Variants in RNF146 observed in about 807,000 individuals in gnomAD.
RNF146 encodes the protein ring finger protein 146.
Under a neutral mutation model 29.7 loss-of-function variants are expected in RNF146, and 11 were observed. That is an observed-to-expected ratio of 0.37 (90% confidence interval 0.23 to 0.61). The LOEUF is 0.61. Among genes scored for constraint, RNF146 ranks in the 20% least tolerant of loss-of-function variants. RNF146 has a pLI of 0.66. For missense variants in RNF146, 342 were observed against 438.9 expected (o/e 0.78, Z 1.97); for synonymous variants, 150 against 159.7 (o/e 0.94, Z 0.46).
At chr6:127,270,820 A>AT (rs200319296) in intron 1 of RNF146, among the ~76,000 whole-genome samples, 8,027 of 143,122 alleles carry the variant, frequency 0.056, 307 homozygotes, top group East Asian at 0.13. Flanking sequence ...CTTCCTTATG[A>AT]TTTTTTTTTT....
In RNF146 at chr6:127,286,892, A is replaced by T; in HGVS notation, c.279A>T (p.Glu93Asp). The change falls in exon 3 of 3, where the codon GAA (glutamate) becomes GAT (aspartate). Residue 93 changes from glutamate (E) to aspartate (D), a missense_variant. Physicochemically the swap from Glu to Asp is conservative, Grantham distance 45. Around this residue, in one of 6 missense-constraint regions of RNF146, gnomAD observed 50 missense variants for 54.9 expected, o/e 0.91. Coordinates refer to ENST00000368314, the MANE Select transcript of RNF146 (RefSeq NM_001242850.2). The surrounding 1 kb of genome is among the most constrained non-coding windows in gnomAD (Gnocchi z 4.6). The stretch of plus-strand genomic sequence containing the variant: ...AGCCAACCTTGTTGTCACCAGAAGA[A>T]CTCAAGGCAGCAAGTAGAGGAAATG... ...LDKPTLLSPE[E>D]LKAASRGNGE... 6.2e-7 allele frequency: 1 copy of T among 1,613,326 alleles called. No homozygotes were observed.
At chr6:127,278,555 A>G (rs1778538130) in intron 1 of RNF146, among the ~76,000 whole-genome samples, 1 of 152,004 alleles carries the variant, frequency 6.6e-6, no homozygotes, top group Non-Finnish European at 1.5e-5. Flanking sequence ...GTATTTATAG[A>G]CCACATTTTG....
chr6:127,276,875 G>A (rs895622104), intron 1 of RNF146, among the ~76,000 whole-genome samples: 2 of 152,070 alleles, frequency 1.3e-5, no homozygotes, highest in African/African-American at 4.8e-5. Flanking sequence ...ACTAAAGCAT[G>A]AGTACCACCT....
At chr6:127,270,276 T>TA (rs1235852349) in intron 1 of RNF146, among the ~76,000 whole-genome samples, 1 of 152,204 alleles carries the variant, frequency 6.6e-6, no homozygotes, top group East Asian at 1.9e-4. Context: ...CTGTCACTGT[T>TA]TTTTTCCTCC....
At chr6:127,278,398 GA>G (rs1183033443) in intron 1 of RNF146, among the ~76,000 whole-genome samples, 1 of 151,890 alleles carries the variant, frequency 6.6e-6, no homozygotes, top group Admixed American at 6.6e-5. Context: ...GGTAACTTCT[GA>G]TACCTTCTGC....
upstream of RNF146, chr6:127,266,823 A>T (rs145142014): frequency 6.6e-6 from 1 of 150,892 alleles, no homozygotes; most frequent in South Asian, 2.1e-4. Flanking sequence ...CTCCTCCGCG[A>T]CGCGCCGGGT....
chr6:127,277,624 A>T (rs1215673129), intron 1 of RNF146, among the ~76,000 whole-genome samples: 1 of 152,052 alleles, frequency 6.6e-6, no homozygotes, highest in Non-Finnish European at 1.5e-5. Flanking sequence ...CGAGGGCAGG[A>T]AGCATCCAGT....
chr6:127,267,130 C>G (rs1453659140), intron 1 of RNF146: 2 of 152,384 alleles, frequency 1.3e-5, no homozygotes. Context: ...TGGCGCGGCC[C>G]CGGCTGTCCG....
chr6:127,281,155 T>G (rs1778864151), intron 2 of RNF146, among the ~76,000 whole-genome samples: 1 of 151,690 alleles, frequency 6.6e-6, no homozygotes, highest in Admixed American at 6.6e-5. Context: ...TGTAATGATA[T>G]GTATTAACAA....
intron 1 of RNF146, among the ~76,000 whole-genome samples, chr6:127,269,780 C>T (rs550938309): frequency 7.2e-5 from 11 of 152,230 alleles, no homozygotes; most frequent in African/African-American, 2.4e-4. Context: ...GATTTATCTA[C>T]TCCTTTTATG....
intron 2 of RNF146, among the ~76,000 whole-genome samples, chr6:127,284,743 G>T (rs752303310): frequency 1.3e-5 from 2 of 151,864 alleles, no homozygotes; most frequent in African/African-American, 2.4e-5. Flanking sequence ...CTTTTATAGT[G>T]CTTAACATAC....
rs185330193 is a variant in RNF146, at chr6:127,288,037, T to C, written c.*344T>C. Reference sequence around the variant, plus strand: ...CATCTGACTCCTGCATTGTGTCTTATTTTTCTGCATGGATTGGCATAAGAC... The same window carrying C: ...CATCTGACTCCTGCATTGTGTCTTACTTTTCTGCATGGATTGGCATAAGAC... On this transcript the variant is annotated 3_prime_UTR_variant, in exon 3 of 3. Transcript: ENST00000368314. The C allele has an allele frequency of 1.1e-5, 2 of 180,108 alleles. No homozygotes were observed. Among genetic ancestry groups the C allele is most frequent in the East Asian group, 3.5e-4 (2 of 5,694 alleles). The allele number at this position is 180,108 out of a possible 1,614,324, so 11.2% of individuals were successfully genotyped here. A position where few individuals can be genotyped will look rare whatever the true frequency, so the allele number is the denominator to read the frequency against.
intron 1 of RNF146, among the ~76,000 whole-genome samples, chr6:127,272,141 T>A (rs76426484): frequency 0.033 from 4,977 of 152,264 alleles, 256 homozygotes; most frequent in African/African-American, 0.11. Flanking sequence ...GTCATTTAAC[T>A]TCCTGAGCTT....
Position 127,287,910 on chromosome 6 carries a change from T to C in RNF146, c.*217T>C. 2.4e-6 allele frequency: 1 copy of C among 413,290 alleles called. No homozygotes were observed. Among genetic ancestry groups the C allele is most frequent in the South Asian group, 5.3e-5 (1 of 18,998 alleles). The allele number at this position is 413,290 out of a possible 1,614,324, so 25.6% of individuals were successfully genotyped here. A position where few individuals can be genotyped will look rare whatever the true frequency, so the allele number is the denominator to read the frequency against. On this transcript the variant is annotated 3_prime_UTR_variant, in exon 3 of 3. Coordinates refer to ENST00000368314, the MANE Select transcript of RNF146 (RefSeq NM_001242850.2). ...GTGTTAATAGTTGAGAGCTGTTTAG[T>C]AATAACCCAGTTTTCTTGAGGTCTG...
At chr6:127,283,941 T>G (rs1779208629) in intron 2 of RNF146, among the ~76,000 whole-genome samples, 1 of 151,818 alleles carries the variant, frequency 6.6e-6, no homozygotes, top group African/African-American at 2.4e-5. Flanking sequence ...TTATTATAAT[T>G]CATGCCTTCT....
In RNF146 at chr6:127,287,759, C is replaced by G; in HGVS notation, c.*66C>G. ...TACCTGTAAATTTCTGCCCACATAA[C>G]ATTATACTCATCCCTAGTAGTGCAT... On this transcript the variant is annotated 3_prime_UTR_variant, in exon 3 of 3. Coordinates refer to ENST00000368314, the MANE Select transcript of RNF146 (RefSeq NM_001242850.2). The G allele has an allele frequency of 1.0e-6, 1 of 969,364 alleles. No homozygotes were observed. Among genetic ancestry groups the G allele is most frequent in the South Asian group, 1.6e-5 (1 of 63,662 alleles). The allele number at this position is 969,364 out of a possible 1,614,324, so 60.0% of individuals were successfully genotyped here.
chr6:127,275,360 T>G (rs1311161563), intron 1 of RNF146, among the ~76,000 whole-genome samples: 1 of 152,114 alleles, frequency 6.6e-6, no homozygotes, highest in Admixed American at 6.6e-5. Context: ...ACTTAGATAT[T>G]TTTATGTATC....
In RNF146 at chr6:127,288,221, T is replaced by C. The variant is rs1254409782; in HGVS notation, c.*528T>C. The stretch of plus-strand genomic sequence containing the variant: ...GGAAATGAAAACAGCCAGTAACTTA[T>C]GTTTCAGAATGTTTGTAACACACTT... On this transcript the variant is annotated 3_prime_UTR_variant, in exon 3 of 3. Coordinates refer to ENST00000368314, the MANE Select transcript of RNF146 (RefSeq NM_001242850.2). 2 of 167,102 alleles carry C rather than the reference T, an allele frequency of 1.2e-5. No homozygotes were observed. The highest frequency in any genetic ancestry group is 2.9e-5 in the Non-Finnish European group (2 of 68,262). 10.4% of individuals were successfully genotyped at this position (167,102 alleles called of 1,614,324 possible).
intron 1 of RNF146, among the ~76,000 whole-genome samples, chr6:127,268,506 A>G (rs1776988666): frequency 6.6e-6 from 1 of 152,232 alleles, no homozygotes; most frequent in Non-Finnish European, 1.5e-5. Flanking sequence ...AGAAAACCGG[A>G]AGAGTGAACA....
Sources: allele counts gnomAD v4.1 joint callset (sites outside exome capture counted in the v4.1 genomes callset), GRCh38; gene constraint gnomAD v4.1.1; regional missense constraint gnomAD v4.1.1; non-coding constraint Gnocchi (gnomAD v3.1); transcripts MANE v1.5; gene names NCBI Gene and HGNC (gene_info 2026-07-23, HGNC 2026-07-21).